Variants in RLN2 observed in about 807,000 individuals in gnomAD.
The protein encoded by RLN2 is prorelaxin H2.
A neutral mutation model predicts 7.3 loss-of-function variants in RLN2; 10 were observed. The ratio of observed to expected loss-of-function variants is 1.36; its 90% CI spans 0.84 to 2.31. The LOEUF (loss-of-function observed/expected upper bound fraction) is 2.31. Among genes scored for constraint, RLN2 ranks in the 30% most tolerant of loss-of-function variants. The probability of loss-of-function intolerance (pLI) is 0.00; values close to 1 mark genes in which losing one functional copy is unlikely to be tolerated. For synonymous variants in RLN2, 103 were observed against 82.3 expected (o/e 1.25, Z -1.36); for missense variants, 298 against 217.6 (o/e 1.37, Z -2.32).
chr9:5,325,914 T>C, the RLN2 span, among the ~76,000 whole-genome samples: 18 of 152,146 alleles, frequency 1.2e-4, 1 homozygote, highest in South Asian at 3.3e-3. Context: ...GGAAGCAGCT[T>C]CTCTGTTGTA....
intron 1 of RLN2, among the ~76,000 whole-genome samples, chr9:5,302,205 T>A (rs1310236243): frequency 6.6e-6 from 1 of 152,244 alleles, no homozygotes; most frequent in Non-Finnish European, 1.5e-5. Context: ...AAATATTTCA[T>A]AATCCATAAC....
At chr9:5,331,594 A>T in the RLN2 span, among the ~76,000 whole-genome samples, 35 of 141,858 alleles carry the variant, frequency 2.5e-4, no homozygotes, top group Non-Finnish European at 3.5e-4. Flanking sequence ...GCATGTTCTC[A>T]CCCATAGGTG....
the RLN2 span, among the ~76,000 whole-genome samples, chr9:5,332,679 A>C: frequency 1.3e-5 from 2 of 151,112 alleles, no homozygotes; most frequent in Admixed American, 1.3e-4. Flanking sequence ...CTGCAGTGCA[A>C]TGGCGCAATC....
chr9:5,311,400 T>A, the RLN2 span: 1 of 503,014 alleles, frequency 2.0e-6, no homozygotes, highest in Non-Finnish European at 3.6e-6. Context: ...TTGGACACAT[T>A]CTTAATACAA....
chr9:5,332,944 T>C, the RLN2 span, among the ~76,000 whole-genome samples: 21 of 152,132 alleles, frequency 1.4e-4, no homozygotes, highest in South Asian at 2.1e-4. Flanking sequence ...TGTTGTACAC[T>C]TTCAAGTGAT....
chr9:5,329,382 A>G, the RLN2 span, among the ~76,000 whole-genome samples: 37,521 of 149,964 alleles, frequency 0.25, 5,224 homozygotes, highest in East Asian at 0.4. Context: ...CATCATAATG[A>G]TGGGATCAAA....
In RLN2 at chr9:5,300,184, G is replaced by A. The variant is rs1253367642; in HGVS notation, c.472C>T (p.Arg158Ter). ...LKYLGLDTHS[R>*]KKRQLYSALA... ...GCACTGTAGAGTTGTCTCTTTTTTC[G>A]AGAATGAGTATCCAAGCCTAAGTAT... Residue 158 changes from arginine to a stop codon, truncating the protein, a stop_gained, in exon 2 of 2, where the codon CGA becomes TGA. Transcript: ENST00000381627. LOFTEE classifies it low-confidence loss of function (END_TRUNC). 8.7e-6 allele frequency: 14 copies of A among 1,612,558 alleles called. No homozygotes were observed. Among genetic ancestry groups the A allele is most frequent in the Non-Finnish European group, 1.1e-5 (13 of 1,179,496 alleles).
chr9:5,314,593 C>T, the RLN2 span, among the ~76,000 whole-genome samples: 36 of 152,092 alleles, frequency 2.4e-4, no homozygotes, highest in African/African-American at 8.4e-4. Flanking sequence ...AGCTGGGTCA[C>T]CTCACCCTAC....
the RLN2 span, chr9:5,334,933 C>G: frequency 0.26 from 51,126 of 199,806 alleles, 7,209 homozygotes; most frequent in East Asian, 0.41. Flanking sequence ...CCTCATGTAA[C>G]TGTTGTTAGG....
At chr9:5,331,060 T>C in the RLN2 span, among the ~76,000 whole-genome samples, 1 of 151,956 alleles carries the variant, frequency 6.6e-6, no homozygotes, top group African/African-American at 2.4e-5. Context: ...AGAAGTTGAA[T>C]CTCTGAATAC....
chr9:5,300,259 T>C lies in RLN2; in HGVS notation c.397A>G (p.Ile133Val), dbSNP rs759872269. 6.2e-7 allele frequency: 1 copy of C among 1,614,068 alleles called. No individual in the cohort carries two copies. Reference sequence around the variant, plus strand: ...GCGGCTTCACTTTGTCTATTGCGAATAAGTTTCTTAAATTCTTCAAAGAGA... The same window carrying C: ...GCGGCTTCACTTTGTCTATTGCGAACAAGTTTCTTAAATTCTTCAAAGAGA... Reference protein sequence around the residue: ...SLLFEEFKKLIRNRQSEAADS... With the variant: ...SLLFEEFKKLVRNRQSEAADS... Residue 133 changes from isoleucine to valine, a missense_variant, in exon 2 of 2, where the codon ATT becomes GTT. Physicochemically the swap from Ile to Val is conservative, Grantham distance 29. Transcript: ENST00000381627.
chr9:5,307,229 ATGATAGATAGG>A (rs1400371707), upstream of RLN2, among the ~76,000 whole-genome samples: 1 of 151,714 alleles, frequency 6.6e-6, no homozygotes, highest in Non-Finnish European at 1.5e-5. Context: ...AGATAGATAG[ATGATAGATAGG>A]TGATAGATAG....
the RLN2 span, among the ~76,000 whole-genome samples, chr9:5,316,446 C>T: frequency 6.6e-6 from 1 of 151,950 alleles, no homozygotes; most frequent in Non-Finnish European, 1.5e-5. Context: ...CCACTAGCCC[C>T]TCACCCCCTG....
At chr9:5,333,721 A>G in the RLN2 span, among the ~76,000 whole-genome samples, 2 of 152,192 alleles carry the variant, frequency 1.3e-5, no homozygotes, top group African/African-American at 4.8e-5. Flanking sequence ...AACAAAAAAA[A>G]GAAAACTTCA....
the RLN2 span, among the ~76,000 whole-genome samples, chr9:5,318,335 G>A: frequency 1.3e-5 from 2 of 151,950 alleles, no homozygotes; most frequent in South Asian, 2.1e-4. Flanking sequence ...TTGGAAAAAT[G>A]AACATCTCGT....
At chr9:5,311,721 T>C in the RLN2 span, 4 of 1,146,132 alleles carry the variant, frequency 3.5e-6, no homozygotes, top group East Asian at 7.1e-5. Context: ...AAGTGAAGTG[T>C]GTGCATTTTT....
the RLN2 span, among the ~76,000 whole-genome samples, chr9:5,320,859 G>A: frequency 6.6e-6 from 1 of 152,022 alleles, no homozygotes; most frequent in Non-Finnish European, 1.5e-5. Context: ...GGGTAGAAAT[G>A]ATGAATTTTA....
chr9:5,323,347 T>C, the RLN2 span, among the ~76,000 whole-genome samples: 6 of 152,090 alleles, frequency 3.9e-5, no homozygotes, highest in Middle Eastern at 3.4e-3. Flanking sequence ...CCTCAAAGGG[T>C]ACACAGAAGC....
At chr9:5,300,691 C>A (rs1225710527) in intron 1 of RLN2, among the ~76,000 whole-genome samples, 1 of 152,150 alleles carries the variant, frequency 6.6e-6, no homozygotes, top group South Asian at 2.1e-4. Flanking sequence ...CTTCATGATC[C>A]CCTCAGTGCT....
Sources: allele counts gnomAD v4.1 joint callset (sites outside exome capture counted in the v4.1 genomes callset), GRCh38; gene constraint gnomAD v4.1.1; transcripts MANE v1.5; gene names NCBI Gene and HGNC (gene_info 2026-07-23, HGNC 2026-07-21).